The following GRIN2A variants were observed in gnomAD, a reference collection of about 807,000 sequenced individuals.
The protein encoded by GRIN2A is glutamate receptor ionotropic, NMDA 2A.
In GRIN2A, 22 loss-of-function variants were observed where a neutral mutation model predicts 113.4. The observed-to-expected ratio is 0.19, with a 90% CI of 0.14 to 0.28. The LOEUF (loss-of-function observed/expected upper bound fraction) is 0.28, where lower values mean the gene tolerates loss of function less well. GRIN2A is among the 10% of genes least tolerant of loss of function. The probability of loss-of-function intolerance (pLI) is 1.00; values close to 1 mark genes in which losing one functional copy is unlikely to be tolerated. For missense variants in GRIN2A, 1,502 were observed against 1,887.0 expected (o/e 0.80, Z 3.78); for synonymous variants, 827 against 738.4 (o/e 1.12, Z -1.94).
At chr16:10,133,446 A>C (rs955420178) in intron 2 of GRIN2A, among the ~76,000 whole-genome samples, 1 of 152,174 alleles carries the variant, frequency 6.6e-6, no homozygotes, top group Non-Finnish European at 1.5e-5. Flanking sequence ...GTCTCTACTA[A>C]AAATACAAAA....
intron 2 of GRIN2A, among the ~76,000 whole-genome samples, chr16:10,161,150 C>T (rs2049801207): frequency 6.6e-6 from 1 of 152,142 alleles, no homozygotes. Context: ...AGAATGGTTA[C>T]CCCCATGCTG....
intron 1 of GRIN2A, among the ~76,000 whole-genome samples, chr16:10,181,092 G>C (rs900029388): frequency 6.6e-6 from 1 of 152,192 alleles, no homozygotes; most frequent in Non-Finnish European, 1.5e-5. Context: ...ACGCTGCCTG[G>C]TGGGCCCAGG....
At chr16:10,101,839 T>G (rs1046300188) in intron 2 of GRIN2A, among the ~76,000 whole-genome samples, 8 of 152,230 alleles carry the variant, frequency 5.3e-5, no homozygotes. Flanking sequence ...GGAATGGTTA[T>G]TGCTATAATT....
At chr16:10,108,282 C>T (rs1349477107) in intron 2 of GRIN2A, among the ~76,000 whole-genome samples, 1 of 152,166 alleles carries the variant, frequency 6.6e-6, no homozygotes, top group Admixed American at 6.5e-5. Flanking sequence ...CAGGAGAATT[C>T]CTCTTTTTGA....
chr16:9,834,484 C>A (rs1303506116), intron 7 of GRIN2A, among the ~76,000 whole-genome samples: 1 of 152,164 alleles, frequency 6.6e-6, no homozygotes, highest in Non-Finnish European at 1.5e-5. Flanking sequence ...CAGGTTCAAG[C>A]AATTCTCCTG....
At chr16:10,085,424 T>C (rs2048068420) in intron 2 of GRIN2A, among the ~76,000 whole-genome samples, 1 of 152,218 alleles carries the variant, frequency 6.6e-6, no homozygotes, top group Non-Finnish European at 1.5e-5. Context: ...CATGTTCATT[T>C]TGGGGTGAAA....
chr16:10,121,919 A>G (rs1327842532), intron 2 of GRIN2A, among the ~76,000 whole-genome samples: 1 of 152,226 alleles, frequency 6.6e-6, no homozygotes, highest in Non-Finnish European at 1.5e-5. Flanking sequence ...AAGTTTGCAT[A>G]AAATCTCAAA....
chr16:9,768,727 C>G (rs1361115063), intron 12 of GRIN2A, 124 bp downstream of exon 12: 6 of 790,188 alleles, frequency 7.6e-6, no homozygotes, highest in Admixed American at 1.7e-5. Context: ...TCTGGATGCT[C>G]TTGTGACATG....
chr16:9,946,494 C>CT (rs879601305), intron 2 of GRIN2A, among the ~76,000 whole-genome samples: 36 of 152,064 alleles, frequency 2.4e-4, no homozygotes, highest in Admixed American at 5.2e-4. Flanking sequence ...CTTCAGATCC[C>CT]TTTTTTTTCA....
chr16:9,974,556 T>A (rs2045738282), intron 2 of GRIN2A, among the ~76,000 whole-genome samples: 1 of 152,186 alleles, frequency 6.6e-6, no homozygotes, highest in African/African-American at 2.4e-5. Context: ...GCTCAACTCT[T>A]GAGACAGGAG....
intron 4 of GRIN2A, among the ~76,000 whole-genome samples, chr16:9,867,123 C>A (rs1040221868): frequency 9.9e-5 from 15 of 152,142 alleles, no homozygotes; most frequent in Non-Finnish European, 1.9e-4. Flanking sequence ...CCCACTTTGT[C>A]TTCCTATCAC....
intron 2 of GRIN2A, among the ~76,000 whole-genome samples, chr16:10,051,081 G>A (rs1170327524): frequency 6.6e-6 from 1 of 152,200 alleles, no homozygotes; most frequent in East Asian, 1.9e-4. Flanking sequence ...GTAGATGTAA[G>A]TGCAGTCAGC....
chr16:10,076,373 T>C (rs1437117509), intron 2 of GRIN2A, among the ~76,000 whole-genome samples: 1 of 152,164 alleles, frequency 6.6e-6, no homozygotes, highest in Non-Finnish European at 1.5e-5. Flanking sequence ...ACAAAACCCC[T>C]AGCCACAATG....
intron 2 of GRIN2A, among the ~76,000 whole-genome samples, chr16:9,984,934 G>T (rs887332167): frequency 6.6e-6 from 1 of 151,992 alleles, no homozygotes; most frequent in African/African-American, 2.4e-5. Flanking sequence ...CCTAATAAAC[G>T]TATCTGCGAT....
intron 2 of GRIN2A, among the ~76,000 whole-genome samples, chr16:10,020,595 T>A (rs953676405): frequency 6.6e-6 from 1 of 152,240 alleles, no homozygotes; most frequent in East Asian, 1.9e-4. Flanking sequence ...AAGGAGAACA[T>A]GAACTCTGGA....
At chr16:9,967,154 A>G (rs1270839510) in intron 2 of GRIN2A, among the ~76,000 whole-genome samples, 1 of 152,244 alleles carries the variant, frequency 6.6e-6, no homozygotes, top group Non-Finnish European at 1.5e-5. Context: ...AATAAAGAAT[A>G]TGAATTATGC....
chr16:9,894,341 T>C (rs947323795), intron 3 of GRIN2A, among the ~76,000 whole-genome samples: 1 of 152,192 alleles, frequency 6.6e-6, no homozygotes, highest in African/African-American at 2.4e-5. Context: ...AGGAGTGATA[T>C]ACTCAGATTT....
intron 2 of GRIN2A, among the ~76,000 whole-genome samples, chr16:10,010,499 C>T (rs1438421828): frequency 6.6e-6 from 1 of 152,086 alleles, no homozygotes; most frequent in African/African-American, 2.4e-5. Flanking sequence ...CATTTGGAAC[C>T]TGGAGAGCAT....
At chr16:9,846,238 G>A (rs1433260208) in intron 5 of GRIN2A, among the ~76,000 whole-genome samples, 2 of 152,046 alleles carry the variant, frequency 1.3e-5, no homozygotes, top group East Asian at 1.9e-4. Flanking sequence ...GAGGCTGGGG[G>A]ACTGCTTATC....
Sources: gnomAD v4.1 joint callset for allele counts (sites outside exome capture counted in the v4.1 genomes callset) on GRCh38, gnomAD v4.1.1 for gene constraint, MANE v1.5 for transcripts, NCBI Gene and HGNC (gene_info 2026-07-23, HGNC 2026-07-21) for gene names.